RNPEP: variants seen among roughly 807,000 people sequenced by gnomAD.
RNPEP encodes the protein arginyl aminopeptidase, also known as aminopeptidase B.
In RNPEP, 57 loss-of-function variants were observed where a neutral mutation model predicts 70.1. The ratio of observed to expected loss-of-function variants is 0.81; its 90% CI spans 0.66 to 1.01. RNPEP has a LOEUF of 1.01. Ranked by LOEUF, RNPEP falls within the 50% of genes least tolerant of loss-of-function variation. The pLI, the probability that RNPEP is intolerant of heterozygous loss-of-function variation, is 0.00. For missense variants in RNPEP, 787 were observed against 852.4 expected (o/e 0.92, Z 0.96); for synonymous variants, 335 against 357.4 (o/e 0.94, Z 0.71).
In RNPEP at chr1:201,988,889, C is replaced by T; in HGVS notation, c.448-15C>T. 2 of 1,603,678 alleles carry T rather than the reference C, an allele frequency of 1.2e-6. No homozygotes were observed. Among genetic ancestry groups the T allele is most frequent in the Non-Finnish European group, 1.7e-6 (2 of 1,175,742 alleles). On this transcript the variant is annotated splice_polypyrimidine_tract_variant and intron_variant, in intron 1 of 10. Coordinates refer to ENST00000295640, the MANE Select transcript of RNPEP (RefSeq NM_020216.4). The stretch of plus-strand genomic sequence containing the variant: ...TGGGAGATGTCAGTTCTGAAATGTT[C>T]TTCTTTTCGCTTAGGTTTGCTGGTT...
intron 3 of RNPEP, among the ~76,000 whole-genome samples, chr1:201,992,636 T>G (rs147945829): frequency 1.3e-5 from 2 of 152,124 alleles, no homozygotes; most frequent in African/African-American, 2.4e-5. Flanking sequence ...TGGGCTTCCC[T>G]CCCTGGCCCA....
At chr1:201,995,376 A>AT (rs1383744401) in intron 3 of RNPEP, among the ~76,000 whole-genome samples, 2 of 152,152 alleles carry the variant, frequency 1.3e-5, no homozygotes, top group Non-Finnish European at 2.9e-5. Context: ...CAGTTAACAA[A>AT]TTTCTATTAA....
At position 201,997,504 on chromosome 1, in the gene RNPEP, A is replaced by G. The variant is rs114130028; in HGVS notation, c.1040A>G (p.Asn347Ser). ...TNANWGEFWL[N>S]EGFTMYAQRR... ...GCCAACTGGGGTGAATTCTGGCTCAATGAAGGTTTCACCATGTACGCCCAG... is the reference window on the plus strand; with the variant it reads ...GCCAACTGGGGTGAATTCTGGCTCAGTGAAGGTTTCACCATGTACGCCCAG... The change falls in exon 5 of 11, where the codon AAT (asparagine) becomes AGT (serine). Residue 347 changes from asparagine (N) to serine (S), a missense_variant. Coordinates refer to ENST00000295640, the MANE Select transcript of RNPEP (RefSeq NM_020216.4). 6.8e-5 allele frequency: 110 copies of G among 1,614,090 alleles called. No homozygotes were observed. Among genetic ancestry groups the G allele is most frequent in the Non-Finnish European group, 8.9e-5 (105 of 1,180,020 alleles).
intron 4 of RNPEP, among the ~76,000 whole-genome samples, chr1:201,997,106 A>C (rs1042047369): frequency 6.6e-6 from 1 of 152,014 alleles, no homozygotes; most frequent in Non-Finnish European, 1.5e-5. Flanking sequence ...AGCAGACACC[A>C]CCTCGATGAG....
chr1:201,995,873 G>T (rs1360552181), intron 3 of RNPEP: 3 of 384,168 alleles, frequency 7.8e-6, no homozygotes, highest in Non-Finnish European at 1.4e-5. Context: ...GCTCACAGAG[G>T]TTAAATCACT....
intron 1 of RNPEP, among the ~76,000 whole-genome samples, chr1:201,988,004 G>A (rs1179156759): frequency 8.6e-5 from 13 of 151,820 alleles, no homozygotes; most frequent in Admixed American, 8.5e-4. Context: ...GTCGGATGTG[G>A]TGGTGCATGC....
chr1:201,996,437 G>T, intron 4 of RNPEP, 174 bp downstream of exon 4: 1 of 643,944 alleles, frequency 1.6e-6, no homozygotes, highest in Non-Finnish European at 2.8e-6. Context: ...CACTGTTGCT[G>T]AGGAGAGGGC....
Position 201,996,224 on chromosome 1 carries a change from C to G in RNPEP, c.815C>G (p.Ala272Gly). 6.2e-7 allele frequency: 1 copy of G among 1,614,028 alleles called. No individual in the cohort carries two copies. Among genetic ancestry groups the G allele is most frequent in the Non-Finnish European group, 8.5e-7 (1 of 1,179,920 alleles). ...AACGGGGTGATAGAAGAATTTTTGG[C>G]AACAGGAGAGAAGCTTTTTGGACCT... ...EYNGVIEEFL[A>G]TGEKLFGPYV... is the part of the protein sequence containing the mutation. Residue 272 changes from alanine to glycine, a missense_variant, in exon 4 of 11, where the codon GCA becomes GGA. Ala to Gly is a moderately conservative substitution (Grantham distance 60, BLOSUM62 0). Transcript: ENST00000295640.
Position 202,005,748 on chromosome 1 carries a change from G to A in RNPEP, c.*32G>A. The A allele has an allele frequency of 1.9e-6, 3 of 1,607,484 alleles. No individual in the cohort carries two copies. On this transcript the variant is annotated 3_prime_UTR_variant, in exon 11 of 11. Transcript: ENST00000295640. The stretch of plus-strand genomic sequence containing the variant: ...GTGTGCATGGCCCCTGCCTCTTCAG[G>A]CTCTCCAGGCTTTCAGAATAATTGT...
intron 9 of RNPEP, 59 bp from the exon 10 acceptor site, chr1:202,004,295 T>C: frequency 6.3e-7 from 1 of 1,589,096 alleles, no homozygotes; most frequent in Admixed American, 1.7e-5. Flanking sequence ...CCCAAAATTC[T>C]AGTATTACAG....
chr1:201,995,730 T>A (rs751125329), intron 3 of RNPEP: 20 of 161,978 alleles, frequency 1.2e-4, no homozygotes, highest in Admixed American at 7.1e-4. Flanking sequence ...TTCCAGATTC[T>A]ACTATTAGAA....
intron 1 of RNPEP, 129 bp from the exon 2 acceptor site, chr1:201,988,775 A>G (rs371094418): frequency 2.6e-6 from 3 of 1,175,906 alleles, no homozygotes; most frequent in Non-Finnish European, 3.6e-6. Flanking sequence ...TTCTAGTTCA[A>G]ACCAGACTGG....
intron 1 of RNPEP, among the ~76,000 whole-genome samples, chr1:201,988,356 G>A (rs1032069538): frequency 6.7e-5 from 10 of 150,142 alleles, no homozygotes; most frequent in Admixed American, 6.0e-4. Context: ...TACTTGGGAG[G>A]CTGAGGCATG....
In RNPEP at chr1:202,004,339, C is replaced by A; in HGVS notation, c.1652-15C>A. 6.2e-7 allele frequency: 1 copy of A among 1,613,830 alleles called. No homozygotes were observed. Among genetic ancestry groups the A allele is most frequent in the Middle Eastern group, 1.7e-4 (1 of 6,060 alleles). ...CACCGTGACCAGCCACAAACCATTT[C>A]TTTCTCTTCTCCAGGGAATGTGAAA... On this transcript the variant is annotated splice_polypyrimidine_tract_variant and intron_variant, in intron 9 of 10. Coordinates refer to ENST00000295640, the MANE Select transcript of RNPEP (RefSeq NM_020216.4).
intron 8 of RNPEP, among the ~76,000 whole-genome samples, chr1:202,002,086 G>A (rs769855914): frequency 3.8e-4 from 58 of 152,214 alleles, no homozygotes; most frequent in Non-Finnish European, 6.2e-4. Context: ...GGGCAGGAGC[G>A]GAGGCAGCAC....
intron 8 of RNPEP, chr1:202,003,006 T>C: frequency 2.0e-6 from 1 of 509,046 alleles, no homozygotes; most frequent in Non-Finnish European, 3.5e-6. Flanking sequence ...GACAACACAG[T>C]GCTAATTTGG....
chr1:201,982,836 G>T lies in RNPEP; in HGVS notation c.170G>T (p.Arg57Leu). ...CCTCCAGGGCCCGGCGCAGGGAGCC[G>T]GGGGCTGAGCGGCACCGCGGTCCTG... ...FGPPGPGAGS[R>L]GLSGTAVLDL... The change falls in exon 1 of 11, where the codon CGG becomes CTG. Residue 57 changes from arginine (R) to leucine (L), a missense_variant. Arg to Leu is a moderately radical substitution (Grantham distance 102, BLOSUM62 -2). Transcript: ENST00000295640. 1 of 1,341,470 alleles carries T rather than the reference G, an allele frequency of 7.5e-7. No individual in the cohort carries two copies. The highest frequency in any genetic ancestry group is 9.5e-7 in the Non-Finnish European group (1 of 1,047,568). The allele number at this position is 1,341,470 out of a possible 1,614,324, so 83.1% of individuals were successfully genotyped here. A position where few individuals can be genotyped will look rare whatever the true frequency, so the allele number is the denominator to read the frequency against.
At chr1:202,001,798 A>G in intron 8 of RNPEP, 31 bp downstream of exon 8, 1 of 1,280,268 alleles carries the variant, frequency 7.8e-7, no homozygotes, top group Non-Finnish European at 1.1e-6. Context: ...ACAGGCTTCT[A>G]AAAAATAGTA....
At chr1:202,004,704 A>G (rs1451868262) in intron 10 of RNPEP, among the ~76,000 whole-genome samples, 1 of 152,246 alleles carries the variant, frequency 6.6e-6, no homozygotes, top group Non-Finnish European at 1.5e-5. Flanking sequence ...GCAGGCTTGC[A>G]GTGCTTTCTG....
Sources: allele counts gnomAD v4.1 joint callset (sites outside exome capture counted in the v4.1 genomes callset), GRCh38; gene constraint gnomAD v4.1.1; transcripts MANE v1.5; gene names NCBI Gene and HGNC (gene_info 2026-07-23, HGNC 2026-07-21).